DOK5: variants seen among roughly 807,000 people sequenced by gnomAD.
The protein encoded by DOK5 is docking protein 5, also known as downstream of tyrosine kinase 5.
A neutral mutation model predicts 43.3 loss-of-function variants in DOK5; 27 were observed. The ratio of observed to expected loss-of-function variants is 0.62; its 90% CI spans 0.46 to 0.86. DOK5 has a LOEUF of 0.86. DOK5 is among the 40% of genes least tolerant of loss of function. The pLI is 0.00. For synonymous variants in DOK5, 146 were observed against 140.1 expected (o/e 1.04, Z -0.30); for missense variants, 373 against 392.9 (o/e 0.95, Z 0.43).
chr20:54,521,790 C>T (rs986040011), intron 1 of DOK5, among the ~76,000 whole-genome samples: 3 of 152,154 alleles, frequency 2.0e-5, no homozygotes, highest in African/African-American at 7.2e-5. Context: ...GTTGGTTCTT[C>T]TGCCCAGTTG....
chr20:54,496,951 T>C (rs1374756815), intron 1 of DOK5, among the ~76,000 whole-genome samples: 1 of 152,002 alleles, frequency 6.6e-6, no homozygotes, highest in Non-Finnish European at 1.5e-5. Context: ...CTGTAAAACA[T>C]ATAACCTGGT....
chr20:54,629,824 G>T (rs1302302468), intron 6 of DOK5, among the ~76,000 whole-genome samples: 1 of 152,230 alleles, frequency 6.6e-6, no homozygotes, highest in Non-Finnish European at 1.5e-5. Context: ...ATTCCTAAGG[G>T]CCAGGTGCTT....
rs539740522 is a variant in DOK5 at position 54,545,760 on chromosome 20, G to C, written c.67-9173G>C. On this transcript the variant is annotated intron_variant, in intron 1 of 7. Coordinates refer to ENST00000262593, the MANE Select transcript of DOK5 (RefSeq NM_018431.5). ...CTAGGATACATGGAGTCCTGGATTAGTGTCTTAAGAACCCAGTTTCAGAAA... is the reference window on the plus strand; with the variant it reads ...CTAGGATACATGGAGTCCTGGATTACTGTCTTAAGAACCCAGTTTCAGAAA... 4.6e-5 allele frequency among the ~76,000 whole-genome samples: 7 copies of C among 152,318 alleles called. No individual in the cohort carries two copies. In the South Asian group the frequency reaches 1.4e-3, roughly 32 times the overall value.
At chr20:54,646,665 A>C (rs1004632921) in intron 7 of DOK5, among the ~76,000 whole-genome samples, 23 of 152,332 alleles carry the variant, frequency 1.5e-4, no homozygotes, top group African/African-American at 5.5e-4. Context: ...TTAAACAAGT[A>C]CATTTAAAAA....
intron 2 of DOK5, among the ~76,000 whole-genome samples, chr20:54,560,847 C>T (rs992323671): frequency 2.0e-5 from 3 of 152,176 alleles, no homozygotes; most frequent in African/African-American, 7.2e-5. Context: ...GTCTCGAACT[C>T]CTGACCTCAA....
At chr20:54,641,391 T>A (rs1238368529) in intron 6 of DOK5, among the ~76,000 whole-genome samples, 1 of 152,174 alleles carries the variant, frequency 6.6e-6, no homozygotes, top group African/African-American at 2.4e-5. Flanking sequence ...CTTCAACATA[T>A]GAAGCCTCCT....
chr20:54,528,369 T>A (rs1600682052), intron 1 of DOK5, among the ~76,000 whole-genome samples: 1 of 152,108 alleles, frequency 6.6e-6, no homozygotes, highest in African/African-American at 2.4e-5. Context: ...GAAGTTAAAG[T>A]TAGTATCGTA....
intron 1 of DOK5, among the ~76,000 whole-genome samples, chr20:54,485,649 C>T (rs1229361042): frequency 1.3e-5 from 2 of 152,130 alleles, no homozygotes; most frequent in African/African-American, 2.4e-5. Context: ...CGTGAACATA[C>T]GTTTTCGTGC....
intron 2 of DOK5, among the ~76,000 whole-genome samples, chr20:54,568,975 C>A (rs1351324258): frequency 1.1e-5 from 1 of 89,746 alleles, no homozygotes. Context: ...AATGTATGGA[C>A]TAAAACGCAA....
In DOK5 at chr20:54,480,902, C is replaced by CATCT. The variant is rs201469324; in HGVS notation, c.66+4910_66+4913dup. Among the ~76,000 whole-genome samples, 742 of 134,986 alleles carry CATCT rather than the reference C, an allele frequency of 5.5e-3. 13 individuals are homozygous for CATCT. Among genetic ancestry groups the CATCT allele is most frequent in the South Asian group, 0.011 (52 of 4,694 alleles). The allele number at this position is 134,986 out of a possible 152,430, so 88.6% of individuals were successfully genotyped here. ...CTCTCAATGAGGCCTTTAAGGCCTC[C>CATCT]ATCTATCTATCTATCTATCTATCAA... On this transcript the variant is annotated intron_variant, in intron 1 of 7. Coordinates refer to ENST00000262593, the MANE Select transcript of DOK5 (RefSeq NM_018431.5).
chr20:54,559,716 C>T (rs1281121358), intron 2 of DOK5, among the ~76,000 whole-genome samples: 1 of 152,146 alleles, frequency 6.6e-6, no homozygotes, highest in Non-Finnish European at 1.5e-5. Flanking sequence ...TTGTTTTAAT[C>T]GTGTGTTCCA....
At chr20:54,574,327 A>G (rs902243486) in intron 2 of DOK5, among the ~76,000 whole-genome samples, 8 of 152,088 alleles carry the variant, frequency 5.3e-5, no homozygotes, top group African/African-American at 1.7e-4. Flanking sequence ...TGTGGTTGTG[A>G]TAACAGCCAG....
intron 6 of DOK5, among the ~76,000 whole-genome samples, chr20:54,615,867 C>G (rs1179743977): frequency 6.6e-6 from 1 of 151,312 alleles, no homozygotes; most frequent in East Asian, 1.9e-4. Context: ...CGCCACTGCA[C>G]TCCAGCCTGG....
In DOK5 at chr20:54,643,545, C is replaced by T. The variant is rs1394909442; in HGVS notation, c.823C>T (p.Gln275Ter). 1.2e-6 allele frequency: 2 copies of T among 1,613,350 alleles called. No individual in the cohort carries two copies. Among genetic ancestry groups the T allele is most frequent in the East Asian group, 2.2e-5 (1 of 44,876 alleles). The change falls in exon 7 of 8, where the codon CAG (glutamine) becomes TAG (stop). Residue 275 changes from glutamine to a stop codon, truncating the protein, a stop_gained. Coordinates refer to ENST00000262593, the MANE Select transcript of DOK5 (RefSeq NM_018431.5). LOFTEE classifies it high-confidence loss of function. ...RSAYWQHITR[Q>*]HSTGQLYRLQ... ...CGCCTACTGGCAGCACATCACACGGCAGCACAGCACGGGACAGCTCTACCG... is the reference window on the plus strand; with the variant it reads ...CGCCTACTGGCAGCACATCACACGGTAGCACAGCACGGGACAGCTCTACCG...
chr20:54,535,074 C>T (rs1485366121), intron 1 of DOK5, among the ~76,000 whole-genome samples: 2 of 152,100 alleles, frequency 1.3e-5, no homozygotes, highest in African/African-American at 4.8e-5. Flanking sequence ...CCTCATGATC[C>T]ACCCGCCTCA....
At chr20:54,521,250 A>G (rs1379069740) in intron 1 of DOK5, among the ~76,000 whole-genome samples, 1 of 151,872 alleles carries the variant, frequency 6.6e-6, no homozygotes. Flanking sequence ...CCAATTCTCC[A>G]ATAATAATTA....
intron 6 of DOK5, among the ~76,000 whole-genome samples, chr20:54,611,436 CTG>C: frequency 6.6e-6 from 1 of 152,218 alleles, no homozygotes; most frequent in Middle Eastern, 3.4e-3. Context: ...TGGTATGCGA[CTG>C]TAGTTCCGGC....
At chr20:54,617,484 T>G (rs1383521675) in intron 6 of DOK5, among the ~76,000 whole-genome samples, 3 of 152,056 alleles carry the variant, frequency 2.0e-5, no homozygotes, top group Non-Finnish European at 2.9e-5. Flanking sequence ...CTGGTTCCTT[T>G]TATTTATTAT....
At chr20:54,546,070 G>T (rs1469760559) in intron 1 of DOK5, among the ~76,000 whole-genome samples, 1 of 152,078 alleles carries the variant, frequency 6.6e-6, no homozygotes, top group African/African-American at 2.4e-5. Context: ...CCAGATTCAG[G>T]CAAACAAAAG....
Sources: gnomAD v4.1 joint callset for allele counts (sites outside exome capture counted in the v4.1 genomes callset) on GRCh38, gnomAD v4.1.1 for gene constraint, MANE v1.5 for transcripts, NCBI Gene and HGNC (gene_info 2026-07-23, HGNC 2026-07-21) for gene names.